The following NNT variants were observed in gnomAD, a reference collection of about 807,000 sequenced individuals.
NNT encodes NAD(P) transhydrogenase, mitochondrial.
Under a neutral mutation model 104.8 loss-of-function variants are expected in NNT, and 50 were observed. That is an observed-to-expected ratio of 0.48 (90% confidence interval 0.38 to 0.60). The LOEUF (loss-of-function observed/expected upper bound fraction) is 0.60. NNT is among the 20% of genes least tolerant of loss of function. The pLI is 0.00. For synonymous variants in NNT, 461 were observed against 490.4 expected, an observed-to-expected ratio of 0.94 and a Z score of 0.79; for missense variants, 1,131 against 1,330.7, an observed-to-expected ratio of 0.85 and a Z score of 2.33.
At chr5:43,683,155 AGT>A (rs1191961758) in intron 19 of NNT, among the ~76,000 whole-genome samples, 2 of 152,206 alleles carry the variant, frequency 1.3e-5, no homozygotes, top group East Asian at 3.8e-4. Flanking sequence ...GTGGCAGGAT[AGT>A]GGGTATGGGT....
At chr5:43,604,583 T>C (rs1749106416) in intron 1 of NNT, among the ~76,000 whole-genome samples, 1 of 152,188 alleles carries the variant, frequency 6.6e-6, no homozygotes, top group Non-Finnish European at 1.5e-5. Context: ...ACTTCCTCTG[T>C]GTTGTGCAAA....
intron 3 of NNT, 51 bp from the exon 4 acceptor site, chr5:43,615,797 A>C (rs1749753107): frequency 1.5e-6 from 2 of 1,371,062 alleles, no homozygotes; most frequent in African/African-American, 3.0e-5. Context: ...TTGCTTAAAA[A>C]TATGATTAAA....
chr5:43,618,507 T>C (rs1749901124), intron 4 of NNT, among the ~76,000 whole-genome samples: 1 of 152,178 alleles, frequency 6.6e-6, no homozygotes, highest in African/African-American at 2.4e-5. Flanking sequence ...ATTTTAAGGA[T>C]TTTCCCCCCA....
chr5:43,632,680 A>G (rs965999573), intron 7 of NNT, among the ~76,000 whole-genome samples: 1 of 152,172 alleles, frequency 6.6e-6, no homozygotes, highest in African/African-American at 2.4e-5. Context: ...GCACACAAAG[A>G]AAAGCTCTCT....
chr5:43,675,785 G>T, intron 18 of NNT, 115 bp downstream of exon 18: 2 of 738,714 alleles, frequency 2.7e-6, no homozygotes, highest in Admixed American at 3.7e-5. Flanking sequence ...AAAATATAAT[G>T]GAAACAATAG....
chr5:43,669,413 G>C (rs1176701893), intron 17 of NNT, among the ~76,000 whole-genome samples: 1 of 152,148 alleles, frequency 6.6e-6, no homozygotes, highest in Non-Finnish European at 1.5e-5. Context: ...TATTGGCTGT[G>C]GGTTTGTCAT....
intron 10 of NNT, among the ~76,000 whole-genome samples, chr5:43,648,771 G>A (rs1739590799): frequency 6.6e-6 from 1 of 152,156 alleles, no homozygotes; most frequent in Non-Finnish European, 1.5e-5. Flanking sequence ...AAATGCTTTG[G>A]TAGATCCTCT....
In NNT at chr5:43,653,004, T is replaced by G. The variant is rs1739843539; in HGVS notation, c.1864-14T>G. On this transcript the variant is annotated splice_polypyrimidine_tract_variant and intron_variant, in intron 13 of 21. Coordinates refer to ENST00000344920, the MANE Select transcript of NNT (RefSeq NM_182977.3). ...AGGTTTTAATAATCTCTCTCTCACT[T>G]TTCCTTTGAAAAGATCATGTACCTA... 1 of 1,592,242 alleles carries G rather than the reference T, an allele frequency of 6.3e-7. No homozygotes were observed. Among genetic ancestry groups the G allele is most frequent in the Non-Finnish European group, 8.6e-7 (1 of 1,165,750 alleles).
chr5:43,604,771 A>T (rs1362079097), intron 1 of NNT, among the ~76,000 whole-genome samples: 2 of 152,158 alleles, frequency 1.3e-5, no homozygotes, highest in Non-Finnish European at 2.9e-5. Flanking sequence ...TCCTGGGCTC[A>T]AGTGATTCTC....
intron 12 of NNT, 94 bp from the exon 13 acceptor site, chr5:43,651,645 G>C (rs1739771666): frequency 1.5e-6 from 2 of 1,353,860 alleles, no homozygotes; most frequent in Middle Eastern, 1.9e-4. Context: ...ATAAAGATGT[G>C]CTTAAAACAG....
chr5:43,699,158 A>G (rs1742718990), intron 19 of NNT, among the ~76,000 whole-genome samples: 1 of 152,080 alleles, frequency 6.6e-6, no homozygotes, highest in African/African-American at 2.4e-5. Context: ...TCTGTGGTCA[A>G]AAGAAGTTGC....
At chr5:43,631,262 T>C (rs1366380873) in intron 7 of NNT, among the ~76,000 whole-genome samples, 3 of 152,068 alleles carry the variant, frequency 2.0e-5, no homozygotes, top group Non-Finnish European at 2.9e-5. Flanking sequence ...TGCATGCAGA[T>C]CAGACAAACC....
At position 43,651,812 on chromosome 5, in the gene NNT, G is replaced by GTACC; in HGVS notation, c.1793_1796dup (p.Leu600ProfsTer20). The GTACC allele has an allele frequency of 6.2e-7, 1 of 1,614,112 alleles. No homozygotes were observed. On this transcript the variant is annotated frameshift_variant, in exon 13 of 22. Transcript: ENST00000344920. LOFTEE classifies it high-confidence loss of function. ...CTGACCCCCCAGAATACAACTACCTGTACCTGCTCCCTGCCGGCACCTTTG... is the reference window on the plus strand; with the variant it reads ...CTGACCCCCCAGAATACAACTACCTGTACCTACCTGCTCCCTGCCGGCACCTTTG...
At chr5:43,656,920 A>C (rs1056788946) in intron 16 of NNT, 107 bp downstream of exon 16, 125 of 1,112,974 alleles carry the variant, frequency 1.1e-4, no homozygotes, top group Non-Finnish European at 1.5e-4. Context: ...TTGATGGAAT[A>C]AAAATGTTTT....
At chr5:43,621,611 T>C (rs773960417) in intron 5 of NNT, among the ~76,000 whole-genome samples, 4 of 151,958 alleles carry the variant, frequency 2.6e-5, no homozygotes, top group Non-Finnish European at 5.9e-5. Flanking sequence ...GAGTTTTCAC[T>C]CCAGGCTGAT....
At chr5:43,633,897 G>T (rs1750808586) in intron 7 of NNT, among the ~76,000 whole-genome samples, 1 of 147,100 alleles carries the variant, frequency 6.8e-6, no homozygotes, top group Non-Finnish European at 1.5e-5. Context: ...TGCCCAGTCT[G>T]CAGTTTGAGG....
chr5:43,638,111 C>G lies in NNT; in HGVS notation c.965-6081C>G, dbSNP rs186362391. On this transcript the variant is annotated intron_variant, in intron 7 of 21. Coordinates refer to ENST00000344920, the MANE Select transcript of NNT (RefSeq NM_182977.3). ...TGATGGTTTTATAAGGAGCTTCCCCCTTCACTGGGCACTCATTTCTTTCTG... is the reference window on the plus strand; with the variant it reads ...TGATGGTTTTATAAGGAGCTTCCCCGTTCACTGGGCACTCATTTCTTTCTG... Among the ~76,000 whole-genome samples the G allele has an allele frequency of 3.9e-5, 6 of 152,282 alleles. No homozygotes were observed. The East Asian group carries it at 9.6e-4, about 24-fold the overall frequency.
chr5:43,654,049 T>C (rs542321088), intron 14 of NNT, among the ~76,000 whole-genome samples: 3 of 152,220 alleles, frequency 2.0e-5, no homozygotes, highest in African/African-American at 7.2e-5. Context: ...CTTAAATGAA[T>C]CAGAAACAAA....
intron 2 of NNT, 140 bp downstream of exon 2, chr5:43,609,486 G>A: frequency 1.4e-6 from 1 of 735,716 alleles, no homozygotes; most frequent in Non-Finnish European, 2.2e-6. Context: ...CAACAAGTAA[G>A]TGCTATCTTG....
Sources: allele counts gnomAD v4.1 joint callset (sites outside exome capture counted in the v4.1 genomes callset), GRCh38; gene constraint gnomAD v4.1.1; transcripts MANE v1.5; gene names NCBI Gene and HGNC (gene_info 2026-07-23, HGNC 2026-07-21).